CSGALNACT1: variants seen among roughly 807,000 people sequenced by gnomAD.
CSGALNACT1 encodes the protein chondroitin sulfate N-acetylgalactosaminyltransferase 1, also known as beta4GalNAcT-1.
CSGALNACT1 carries 52 observed loss-of-function variants against 51.0 expected under a neutral mutation model. The ratio of observed to expected loss-of-function variants is 1.02; its 90% CI spans 0.82 to 1.29. CSGALNACT1 has a LOEUF of 1.29. Ranked by LOEUF, CSGALNACT1 falls within the 50% of genes most tolerant of loss-of-function variation. The probability of loss-of-function intolerance (pLI) is 0.00; values close to 1 mark genes in which losing one functional copy is unlikely to be tolerated. For missense variants in CSGALNACT1, 935 were observed against 679.2 expected (o/e 1.38, Z -4.19); for synonymous variants, 341 against 254.4 (o/e 1.34, Z -3.24).
exon 4 of CSGALNACT1, chr8:19,505,895 A>T: frequency 6.3e-7 from 1 of 1,595,868 alleles, no homozygotes; most frequent in Non-Finnish European, 8.5e-7. Context: ...CCCCCACGGA[A>T]GGGCTTCCCT....
chr8:19,627,803 G>A (rs1354023399), intron 1 of CSGALNACT1, among the ~76,000 whole-genome samples: 18 of 152,130 alleles, frequency 1.2e-4, no homozygotes, highest in Admixed American at 1.2e-3. Context: ...GCAGCACCTG[G>A]GTGACAGAGC....
At position 19,676,071 on chromosome 8, in the gene CSGALNACT1, T is replaced by C. The variant is rs574373442; in HGVS notation, c.-544+6402A>G. Among the ~76,000 whole-genome samples, 8 of 135,904 alleles carry C rather than the reference T, an allele frequency of 5.9e-5. No homozygotes were observed. In the South Asian group the frequency reaches 2.0e-3, roughly 33 times the overall value. The allele number at this position is 135,904 out of a possible 152,430, so 89.2% of individuals were successfully genotyped here. On this transcript the variant is annotated intron_variant, in intron 1 of 9. Coordinates refer to the CSGALNACT1 transcript ENST00000332246. ...GCCTGAACCTAACCACGATGGATGG[T>C]GGTTGTCTGATTTAAAAAACAAAAC...
intron 5 of CSGALNACT1, among the ~76,000 whole-genome samples, chr8:19,444,882 A>G (rs1009356646): frequency 1.3e-5 from 2 of 152,194 alleles, no homozygotes; most frequent in Non-Finnish European, 2.9e-5. Context: ...AAGGAGGGAT[A>G]AAGTTTAGAA....
chr8:19,564,213 C>T (rs371519676), intron 3 of CSGALNACT1, among the ~76,000 whole-genome samples: 1 of 152,126 alleles, frequency 6.6e-6, no homozygotes, highest in Non-Finnish European at 1.5e-5. Context: ...AAAGACAACC[C>T]GTTGATTTTC....
intron 3 of CSGALNACT1, among the ~76,000 whole-genome samples, chr8:19,544,922 T>C (rs1447666134): frequency 1.3e-5 from 2 of 152,118 alleles, no homozygotes; most frequent in African/African-American, 2.4e-5. Flanking sequence ...ACACCAGAAG[T>C]TCCTTTCCTT....
At chr8:19,655,379 G>C (rs973604062) in intron 1 of CSGALNACT1, among the ~76,000 whole-genome samples, 28 of 151,946 alleles carry the variant, frequency 1.8e-4, no homozygotes, top group African/African-American at 6.8e-4. Flanking sequence ...TTTTTCTTTT[G>C]AGGTAGGGTC....
At chr8:19,454,351 A>G (rs2063705335) in intron 5 of CSGALNACT1, among the ~76,000 whole-genome samples, 2 of 152,254 alleles carry the variant, frequency 1.3e-5, no homozygotes, top group South Asian at 4.1e-4. Context: ...AGTAGAATGT[A>G]AAGGTTGTAA....
intron 1 of CSGALNACT1, among the ~76,000 whole-genome samples, chr8:19,742,052 G>A: frequency 6.6e-6 from 1 of 152,304 alleles, no homozygotes; most frequent in Non-Finnish European, 1.5e-5. Flanking sequence ...GGTAGTGCCT[G>A]CCTCACAGGG....
At chr8:19,617,505 A>G (rs2053198355) in intron 1 of CSGALNACT1, among the ~76,000 whole-genome samples, 1 of 152,232 alleles carries the variant, frequency 6.6e-6, no homozygotes, top group Non-Finnish European at 1.5e-5. Flanking sequence ...CTCTCCAAAC[A>G]TATATTACTT....
rs142516207 is a variant in CSGALNACT1 at position 19,670,900 on chromosome 8, T to C, written c.-544+11573A>G. 3.2e-3 allele frequency among the ~76,000 whole-genome samples: 482 copies of C among 152,258 alleles called. 7 individuals carry two copies. The highest frequency in any genetic ancestry group is 0.011 in the African/African-American group (451 of 41,556). On this transcript the variant is annotated intron_variant, in intron 1 of 9. Transcript: ENST00000332246. ...AAGCCCAGCTCCAAGAACTGCACTG[T>C]GTGCTTGGCCTACTCCACAAGTGCC...
chr8:19,577,160 T>C (rs1158267993), intron 3 of CSGALNACT1, among the ~76,000 whole-genome samples: 2 of 152,180 alleles, frequency 1.3e-5, no homozygotes, highest in African/African-American at 4.8e-5. Flanking sequence ...TGCCCCTTCT[T>C]GCACCTAGAA....
At chr8:19,468,438 A>T (rs1341759614) in intron 4 of CSGALNACT1, among the ~76,000 whole-genome samples, 1 of 152,140 alleles carries the variant, frequency 6.6e-6, no homozygotes, top group Admixed American at 6.5e-5. Context: ...ACAGGTGCAA[A>T]CCTGTCCTAG....
chr8:19,711,148 G>T (rs1426236014), intron 1 of CSGALNACT1, among the ~76,000 whole-genome samples: 3 of 151,980 alleles, frequency 2.0e-5, no homozygotes, highest in Admixed American at 2.0e-4. Flanking sequence ...GTCTTTAAAG[G>T]ATAATTCATA....
chr8:19,484,728 T>C, intron 4 of CSGALNACT1, among the ~76,000 whole-genome samples: 1 of 152,176 alleles, frequency 6.6e-6, no homozygotes, highest in Admixed American at 6.5e-5. Flanking sequence ...CCTCAGAATG[T>C]TATTGTGTTT....
chr8:19,541,477 C>G (rs186712290), intron 3 of CSGALNACT1, among the ~76,000 whole-genome samples: 12 of 150,726 alleles, frequency 8.0e-5, no homozygotes, highest in African/African-American at 2.9e-4. Flanking sequence ...TGGTCTCGAT[C>G]TCCTGACCTC....
chr8:19,687,200 A>C (rs2061025474), upstream of CSGALNACT1, among the ~76,000 whole-genome samples: 2 of 152,162 alleles, frequency 1.3e-5, no homozygotes, highest in South Asian at 4.1e-4. Context: ...CAAAACCACC[A>C]ATGAGCTTTT....
rs192265153 is a variant in CSGALNACT1 at position 19,597,587 on chromosome 8, G to C, written c.-416+4184C>G. Among the ~76,000 whole-genome samples the C allele has an allele frequency of 1.7e-3, 260 of 152,184 alleles. 3 individuals are homozygous for C. The highest frequency in any genetic ancestry group is 4.7e-3 in the African/African-American group (195 of 41,536). On this transcript the variant is annotated intron_variant, in intron 2 of 9. Coordinates refer to ENST00000454498, the Ensembl canonical transcript of CSGALNACT1. Reference sequence around the variant, plus strand: ...CCCAGAGTGTTCCGATTACAGGTGTGAGCCACAGCACTCAGCCTTCACTTA... The same window carrying C: ...CCCAGAGTGTTCCGATTACAGGTGTCAGCCACAGCACTCAGCCTTCACTTA...
At chr8:19,529,684 T>C (rs989434426) in intron 3 of CSGALNACT1, among the ~76,000 whole-genome samples, 7 of 151,664 alleles carry the variant, frequency 4.6e-5, no homozygotes, top group Non-Finnish European at 8.8e-5. Flanking sequence ...ACACACAGAG[T>C]TGTCGCTTGG....
chr8:19,429,446 G>C (rs886266051), intron 6 of CSGALNACT1, among the ~76,000 whole-genome samples: 20 of 121,280 alleles, frequency 1.6e-4, no homozygotes, highest in South Asian at 3.2e-4. Context: ...CAAAAGGCTG[G>C]GATAACAGGC....
Sources: gnomAD v4.1 joint callset for allele counts (sites outside exome capture counted in the v4.1 genomes callset) on GRCh38, gnomAD v4.1.1 for gene constraint, MANE v1.5 for transcripts, NCBI Gene and HGNC (gene_info 2026-07-23, HGNC 2026-07-21) for gene names.